SLC9A9: variants seen among roughly 807,000 people sequenced by gnomAD.
SLC9A9 encodes sodium/hydrogen exchanger 9.
Under a neutral mutation model 77.8 loss-of-function variants are expected in SLC9A9, and 62 were observed. That is an observed-to-expected ratio of 0.80 (90% CI 0.65 to 0.98). The LOEUF (loss-of-function observed/expected upper bound fraction) is 0.98. Among genes scored for constraint, SLC9A9 ranks in the 50% least tolerant of loss-of-function variants. The probability of loss-of-function intolerance (pLI) is 0.00; values close to 1 mark genes in which losing one functional copy is unlikely to be tolerated. For missense variants in SLC9A9, 775 were observed against 774.9 expected, an observed-to-expected ratio of 1.00 and a Z score of 0.00; for synonymous variants, 320 against 283.5, an observed-to-expected ratio of 1.13 and a Z score of -1.29.
chr3:143,507,687 G>T (rs962988703), intron 9 of SLC9A9, among the ~76,000 whole-genome samples: 5 of 152,192 alleles, frequency 3.3e-5, no homozygotes, highest in Non-Finnish European at 7.3e-5. Flanking sequence ...ACTCTTAGGT[G>T]GGAGTATGAA....
chr3:143,625,195 C>T (rs549793575), intron 6 of SLC9A9, among the ~76,000 whole-genome samples: 2 of 152,212 alleles, frequency 1.3e-5, no homozygotes, highest in African/African-American at 2.4e-5. Context: ...ATGCCCAAGG[C>T]AATTTATAAA....
At chr3:143,556,646 A>G (rs2036988319) in intron 8 of SLC9A9, among the ~76,000 whole-genome samples, 1 of 152,130 alleles carries the variant, frequency 6.6e-6, no homozygotes, top group Non-Finnish European at 1.5e-5. Context: ...TCCTGTAAGT[A>G]TTACCTCTCT....
At chr3:143,331,239 G>A (rs1363271715) in intron 14 of SLC9A9, among the ~76,000 whole-genome samples, 1 of 152,192 alleles carries the variant, frequency 6.6e-6, no homozygotes, top group African/African-American at 2.4e-5. Context: ...AAGTACACAT[G>A]AGAGGGTTAT....
chr3:143,725,583 G>A (rs909949888), intron 4 of SLC9A9, among the ~76,000 whole-genome samples: 68 of 142,806 alleles, frequency 4.8e-4, no homozygotes, highest in African/African-American at 1.7e-3. Flanking sequence ...CATGTCCTTT[G>A]TAGGGACATG....
intron 6 of SLC9A9, among the ~76,000 whole-genome samples, chr3:143,649,303 A>C (rs540858717): frequency 2.0e-5 from 3 of 152,336 alleles, no homozygotes; most frequent in African/African-American, 7.2e-5. Context: ...GTATGCATAC[A>C]TGTTTGAGCA....
intron 8 of SLC9A9, among the ~76,000 whole-genome samples, chr3:143,553,641 G>C (rs2036930513): frequency 6.6e-6 from 1 of 152,176 alleles, no homozygotes; most frequent in South Asian, 2.1e-4. Flanking sequence ...TTTCAGGTCA[G>C]CATTGGATAA....
chr3:143,309,650 G>C lies in SLC9A9; in HGVS notation c.1605-40670C>G, dbSNP rs552904446. 1.8e-4 allele frequency among the ~76,000 whole-genome samples: 27 copies of C among 152,266 alleles called. No homozygotes were observed. The East Asian group carries it at 3.7e-3, about 21-fold the overall frequency. Reference sequence around the variant, plus strand: ...TGAATTCGCAGATGTTCCTTTAAAGGGGCATTTTCTTAACCTTTTGTTTCC... The same window carrying C: ...TGAATTCGCAGATGTTCCTTTAAAGCGGCATTTTCTTAACCTTTTGTTTCC... On this transcript the variant is annotated intron_variant, in intron 14 of 15. Transcript: ENST00000316549.
chr3:143,391,652 C>T (rs372587141), intron 12 of SLC9A9, among the ~76,000 whole-genome samples: 64 of 152,262 alleles, frequency 4.2e-4, no homozygotes, highest in African/African-American at 1.2e-3. Flanking sequence ...CAAACTTCTC[C>T]GAGCTAAAGG....
At chr3:143,275,063 T>C (rs1307222599) in intron 14 of SLC9A9, among the ~76,000 whole-genome samples, 4 of 152,214 alleles carry the variant, frequency 2.6e-5, no homozygotes, top group Non-Finnish European at 1.5e-5. Flanking sequence ...TGTTCTTCAG[T>C]AGAGTTCTCA....
At chr3:143,792,485 C>T (rs986828069) in intron 4 of SLC9A9, among the ~76,000 whole-genome samples, 26 of 152,078 alleles carry the variant, frequency 1.7e-4, no homozygotes, top group Non-Finnish European at 3.4e-4. Flanking sequence ...CCCATTACCT[C>T]CTAGGGGTCA....
chr3:143,421,211 C>CCTATCAG (rs1380280143), intron 12 of SLC9A9, among the ~76,000 whole-genome samples: 5 of 152,220 alleles, frequency 3.3e-5, no homozygotes, highest in African/African-American at 1.2e-4. Context: ...TCTACAGATT[C>CCTATCAG]AATGCTATTC....
rs562719903 is a variant in SLC9A9, at chr3:143,274,660, C to T, written c.1605-5680G>A. Among the ~76,000 whole-genome samples the T allele has an allele frequency of 5.7e-4, 87 of 152,266 alleles. No individual in the cohort carries two copies. In the South Asian group the frequency reaches 0.018, roughly 31 times the overall value. On this transcript the variant is annotated intron_variant, in intron 14 of 15. Coordinates refer to ENST00000316549, the MANE Select transcript of SLC9A9 (RefSeq NM_173653.4). ...CCACTGGTTATAGATCTCATGAGTT[C>T]TTATGGATATTTCCAATTCAAATAT...
intron 12 of SLC9A9, among the ~76,000 whole-genome samples, chr3:143,460,337 A>G (rs905337978): frequency 2.6e-5 from 4 of 152,162 alleles, no homozygotes; most frequent in African/African-American, 4.8e-5. Context: ...AAGTGGGTGG[A>G]GTAAGTGTGC....
chr3:143,822,387 AC>A (rs2009188721), intron 2 of SLC9A9, among the ~76,000 whole-genome samples: 1 of 152,120 alleles, frequency 6.6e-6, no homozygotes, highest in African/African-American at 2.4e-5. Context: ...TGCTCCACAC[AC>A]CCCAACCTGG....
At chr3:143,481,740 C>G (rs569788675) in intron 11 of SLC9A9, among the ~76,000 whole-genome samples, 1 of 152,098 alleles carries the variant, frequency 6.6e-6, no homozygotes, top group Non-Finnish European at 1.5e-5. Context: ...GCCTAAGGAC[C>G]ACACTTTTGG....
chr3:143,592,558 G>A (rs1039758990), intron 6 of SLC9A9, among the ~76,000 whole-genome samples: 2 of 152,192 alleles, frequency 1.3e-5, no homozygotes, highest in Non-Finnish European at 2.9e-5. Flanking sequence ...AAGACTGGCT[G>A]TTCCTGATGC....
intron 6 of SLC9A9, among the ~76,000 whole-genome samples, chr3:143,624,532 A>T (rs1272934860): frequency 6.6e-6 from 1 of 152,232 alleles, no homozygotes; most frequent in Non-Finnish European, 1.5e-5. Flanking sequence ...TTATCTCAAT[A>T]GGTGCAGAAA....
intron 9 of SLC9A9, among the ~76,000 whole-genome samples, chr3:143,531,524 GT>G: frequency 6.6e-6 from 1 of 152,326 alleles, no homozygotes; most frequent in South Asian, 2.1e-4. Flanking sequence ...TAGGAAGTTT[GT>G]CTTAAAAACC....
chr3:143,821,071 AG>A (rs1471973289), intron 2 of SLC9A9, among the ~76,000 whole-genome samples: 5 of 152,296 alleles, frequency 3.3e-5, no homozygotes, highest in African/African-American at 1.2e-4. Flanking sequence ...GGCACCCTTG[AG>A]GGGACTGGGG....
Sources: allele counts gnomAD v4.1 joint callset (sites outside exome capture counted in the v4.1 genomes callset), GRCh38; gene constraint gnomAD v4.1.1; transcripts MANE v1.5; gene names NCBI Gene and HGNC (gene_info 2026-07-23, HGNC 2026-07-21).